The following ESS2 variants were observed in gnomAD, a reference collection of about 807,000 sequenced individuals.
ESS2 encodes splicing factor ESS-2 homolog.
A neutral mutation model predicts 52.0 loss-of-function variants in ESS2; 31 were observed. The ratio of observed to expected loss-of-function variants is 0.60; its 90% CI spans 0.45 to 0.81. The LOEUF (loss-of-function observed/expected upper bound fraction) is 0.81, where lower values mean the gene tolerates loss of function less well. ESS2 is among the 30% of genes least tolerant of loss of function. ESS2 has a pLI of 0.00. For missense variants in ESS2, 602 were observed against 637.2 expected, an observed-to-expected ratio of 0.94 and a Z score of 0.59; for synonymous variants, 285 against 259.2, an observed-to-expected ratio of 1.10 and a Z score of -0.95.
chr22:19,138,581 G>A (rs991075819), intron 6 of ESS2: 11 of 593,498 alleles, frequency 1.9e-5, no homozygotes, highest in East Asian at 3.0e-5. Flanking sequence ...GCCTCCACTC[G>A]AGCTGCGCCT....
Position 19,131,502 on chromosome 22 carries a change from A to G in ESS2, c.*2694T>C. 1 of 1,614,126 alleles carries G rather than the reference A, an allele frequency of 6.2e-7. No homozygotes were observed. Among genetic ancestry groups the G allele is most frequent in the Non-Finnish European group, 8.5e-7 (1 of 1,180,020 alleles). On this transcript the variant is annotated 3_prime_UTR_variant, in exon 10 of 10. Transcript: ENST00000252137. The surrounding 1 kb of genome is among the most constrained non-coding windows in gnomAD (Gnocchi z 5.7). ...CAAATCTGCCTACTCTGAGCGCCTC[A>G]AGTTCAATGTGGCTGTCAAGATCAT...
At position 19,139,277 on chromosome 22, in the gene ESS2, T is replaced by C. The variant is rs2083640930; in HGVS notation, c.704A>G (p.Glu235Gly). 6.3e-7 allele frequency: 1 copy of C among 1,599,802 alleles called. No individual in the cohort carries two copies. Among genetic ancestry groups the C allele is most frequent in the African/African-American group, 1.3e-5 (1 of 74,686 alleles). Reference protein sequence around the residue: ...MYYPEGVPDEEQLFKKPRQVV... With the variant: ...MYYPEGVPDEGQLFKKPRQVV... ...CTGCCGGGGCTTCTTAAACAGCTGC[T>C]CCTCGTCAGGGACACCTGGCAGACG... The change falls in exon 6 of 10, where the codon GAG becomes GGG. Residue 235 changes from glutamate (E) to glycine (G), a missense_variant. Transcript: ENST00000252137.
chr22:19,143,596 C>T (rs2083731841), intron 1 of ESS2, among the ~76,000 whole-genome samples: 1 of 152,192 alleles, frequency 6.6e-6, no homozygotes, highest in Non-Finnish European at 1.5e-5. Flanking sequence ...TAGCTCACGC[C>T]TGTAATCCCA....
rs1447933351 is a variant in ESS2, at chr22:19,139,695, TCTG to T, written c.602_604del (p.Ala201del). The T allele has an allele frequency of 6.2e-7, 1 of 1,614,220 alleles. No individual in the cohort carries two copies. Among genetic ancestry groups the T allele is most frequent in the Non-Finnish European group, 8.5e-7 (1 of 1,180,028 alleles). On this transcript the variant is annotated inframe_deletion, in exon 5 of 10. Coordinates refer to ENST00000252137, the MANE Select transcript of ESS2 (RefSeq NM_022719.3). ...CTGGCTGCTCTCGATGGCCTGGTGCTCTGCTGACGGGAGTTCGAGATTATCTTT... is the reference window on the plus strand; with the variant it reads ...CTGGCTGCTCTCGATGGCCTGGTGCTCTGACGGGAGTTCGAGATTATCTTT...
At position 19,132,153 on chromosome 22, in the gene ESS2, A is replaced by G. The variant is rs2083515219; in HGVS notation, c.*2043T>C. The G allele has an allele frequency of 6.2e-7, 1 of 1,613,336 alleles. No homozygotes were observed. Among genetic ancestry groups the G allele is most frequent in the Non-Finnish European group, 8.5e-7 (1 of 1,179,412 alleles). On this transcript the variant is annotated 3_prime_UTR_variant, in exon 10 of 10. Coordinates refer to ENST00000252137, the MANE Select transcript of ESS2 (RefSeq NM_022719.3). The surrounding 1 kb of genome is among the most constrained non-coding windows in gnomAD (Gnocchi z 4.2). Reference sequence around the variant, plus strand: ...CGAGTGCAAGGACCTCATCTACCGCATGCTGCAGCCCGACGTCAGCCAGCG... The same window carrying G: ...CGAGTGCAAGGACCTCATCTACCGCGTGCTGCAGCCCGACGTCAGCCAGCG...
At chr22:19,143,851 T>A (rs886261413) in intron 1 of ESS2, among the ~76,000 whole-genome samples, 5 of 152,164 alleles carry the variant, frequency 3.3e-5, no homozygotes, top group Admixed American at 6.5e-5. Flanking sequence ...CGAGCGAGAC[T>A]CCGTCTCAAA....
intron 8 of ESS2, 82 bp from the exon 9 acceptor site, chr22:19,135,257 G>A: frequency 8.8e-7 from 1 of 1,131,636 alleles, no homozygotes; most frequent in Non-Finnish European, 1.3e-6. Context: ...CCACTGTGGT[G>A]GGTGCCAGCC....
chr22:19,138,864 G>A (rs2083632522), intron 6 of ESS2, among the ~76,000 whole-genome samples: 1 of 152,170 alleles, frequency 6.6e-6, no homozygotes, highest in African/African-American at 2.4e-5. Flanking sequence ...TCCCTGCCCG[G>A]TGTGTGGGCG....
rs182575383 is a variant in ESS2 at position 19,137,962 on chromosome 22, G to A, written c.925+253C>T. On this transcript the variant is annotated intron_variant, in intron 7 of 9. Transcript: ENST00000252137. ...CCCCCACCCACTGACATCACAGTAA[G>A]GACCAGGACAGGACACGTCATCCCA... 3.1e-5 allele frequency: 31 copies of A among 985,402 alleles called. No homozygotes were observed. The East Asian group carries it at 3.0e-3, about 94-fold the overall frequency. 61.0% of individuals were successfully genotyped at this position (985,402 alleles called of 1,614,324 possible).
At chr22:19,137,838 G>C (rs1274535978) in intron 7 of ESS2, 2 of 985,264 alleles carry the variant, frequency 2.0e-6, no homozygotes, top group Non-Finnish European at 2.4e-6. Context: ...GGACACCCAC[G>C]CATGCCACAA....
At position 19,133,354 on chromosome 22, in the gene ESS2, T is replaced by C. The variant is rs2285857; in HGVS notation, c.*842A>G. On this transcript the variant is annotated 3_prime_UTR_variant, in exon 10 of 10. Transcript: ENST00000252137. ...CACCCTTTCCTAGGGGATAAAGCAC[T>C]GAAGGCCCCACGTCCCCCACCCCTT... 35,853 of 152,366 alleles carry C rather than the reference T, an allele frequency of 0.24. 4,625 individuals carry two copies. Among genetic ancestry groups the C allele is most frequent in the South Asian group, 0.33 (1,612 of 4,832 alleles). The allele number at this position is 152,366 out of a possible 1,614,324, so 9.4% of individuals were successfully genotyped here. A position where few individuals can be genotyped will look rare whatever the true frequency, so the allele number is the denominator to read the frequency against.
intron 1 of ESS2, 111 bp downstream of exon 1, chr22:19,144,395 C>T (rs1464133668): frequency 6.4e-7 from 1 of 1,564,524 alleles, no homozygotes; most frequent in Non-Finnish European, 8.7e-7. Context: ...ACACCCGGCT[C>T]CTCCACTTCC....
At position 19,134,356 on chromosome 22, in the gene ESS2, C is replaced by A. The variant is rs776531141; in HGVS notation, c.1271G>T (p.Arg424Leu). The A allele has an allele frequency of 3.7e-6, 6 of 1,611,696 alleles. No individual in the cohort carries two copies. The highest frequency in any genetic ancestry group is 1.7e-5 in the Admixed American group (1 of 59,786). ...GGCCGGGGTCTTGAGGTGGGTGGAG[C>A]GTGCTGGGGATGGTGTGTAGCTGGC... ...LRASYTPSPA[R>L]STHLKTPASG... Residue 424 changes from arginine to leucine, a missense_variant, in exon 10 of 10, where the codon CGC (arginine) becomes CTC (leucine). By Grantham distance (102) the Arg-to-Leu change is moderately radical (BLOSUM62 -2). Transcript: ENST00000252137.
intron 6 of ESS2, 121 bp downstream of exon 6, chr22:19,139,038 G>A (rs1408892667): frequency 3.8e-6 from 5 of 1,331,180 alleles, no homozygotes; most frequent in Non-Finnish European, 5.0e-6. Flanking sequence ...TGCCGCACAG[G>A]GCCCCAGATG....
In ESS2 at chr22:19,134,267, G is replaced by T; in HGVS notation, c.1360C>A (p.Gln454Lys). 1 of 1,586,400 alleles carries T rather than the reference G, an allele frequency of 6.3e-7. No homozygotes were observed. The highest frequency in any genetic ancestry group is 8.6e-7 in the Non-Finnish European group (1 of 1,164,324). Reference protein sequence around the residue: ...PGSATRTPLTQDPASITDNLL... With the variant: ...PGSATRTPLTKDPASITDNLL... ...TTGTCCGTGATGGAGGCCGGGTCCTGTGTGAGAGGGGTGCGTGTGGCAGAG... is the reference window on the plus strand; with the variant it reads ...TTGTCCGTGATGGAGGCCGGGTCCTTTGTGAGAGGGGTGCGTGTGGCAGAG... The change falls in exon 10 of 10, where the codon CAG (glutamine) becomes AAG (lysine). Residue 454 changes from glutamine (Q) to lysine (K), a missense_variant. Transcript: ENST00000252137.
At chr22:19,142,664 G>A in intron 2 of ESS2, 31 bp from the exon 3 acceptor site, 2 of 1,610,758 alleles carry the variant, frequency 1.2e-6, no homozygotes, top group South Asian at 1.1e-5. Context: ...AAGAATTAGA[G>A]TGAGCCTGAA....
At chr22:19,134,782 T>C (rs1325961904) in intron 9 of ESS2, among the ~76,000 whole-genome samples, 1 of 152,116 alleles carries the variant, frequency 6.6e-6, no homozygotes, top group Non-Finnish European at 1.5e-5. Context: ...TCCACAGGGC[T>C]GATGAAAGCT....
rs771449979 is a variant in ESS2 at position 19,134,146 on chromosome 22, C to G, written c.*50G>C. ...CTGGAGTCCTCTGCTGGGTGTACAGCTGCCCTGCAGGCTCTGTGAAGCGTC... is the reference window on the plus strand; with the variant it reads ...CTGGAGTCCTCTGCTGGGTGTACAGGTGCCCTGCAGGCTCTGTGAAGCGTC... On this transcript the variant is annotated 3_prime_UTR_variant, in exon 10 of 10. Transcript: ENST00000252137. The G allele has an allele frequency of 6.1e-6, 9 of 1,467,118 alleles. No individual in the cohort carries two copies. The East Asian group carries it at 2.0e-4, about 33-fold the overall frequency. The allele number at this position is 1,467,118 out of a possible 1,614,324, so 90.9% of individuals were successfully genotyped here.
At chr22:19,137,523 CAG>C (rs2146095744) in intron 7 of ESS2, 91 bp from the exon 8 acceptor site, 1 of 1,060,332 alleles carries the variant, frequency 9.4e-7, no homozygotes, top group African/African-American at 1.6e-5. Flanking sequence ...ATGTGCATCC[CAG>C]CTAATACGAA....
Sources: allele counts gnomAD v4.1 joint callset (sites outside exome capture counted in the v4.1 genomes callset), GRCh38; gene constraint gnomAD v4.1.1; non-coding constraint Gnocchi (gnomAD v3.1); transcripts MANE v1.5; gene names NCBI Gene and HGNC (gene_info 2026-07-23, HGNC 2026-07-21).